CACNA1D: variants seen among roughly 807,000 people sequenced by gnomAD.
The protein encoded by CACNA1D is voltage-dependent L-type calcium channel subunit alpha-1D.
Under a neutral mutation model 257.1 loss-of-function variants are expected in CACNA1D, and 55 were observed. The observed-to-expected ratio is 0.21, with a 90% CI of 0.17 to 0.27. The LOEUF is 0.27. Ranked by LOEUF, CACNA1D falls within the 10% of genes least tolerant of loss-of-function variation. The pLI is 1.00. For synonymous variants in CACNA1D, 980 were observed against 1,014.9 expected (o/e 0.97, Z 0.65); for missense variants, 1,876 against 2,784.0 (o/e 0.67, Z 7.34).
Position 53,494,849 on chromosome 3 carries a change from C to A in CACNA1D, c.-318C>A. On this transcript the variant is annotated 5_prime_UTR_variant, in exon 1 of 48. Transcript: ENST00000350061. ...TCTCTCCGCTAGAGGAGGGGACAAGCCAGTTCTCCTTTGCAGCAAAAAATT... is the reference window on the plus strand; with the variant it reads ...TCTCTCCGCTAGAGGAGGGGACAAGACAGTTCTCCTTTGCAGCAAAAAATT... 4.6e-6 allele frequency: 1 copy of A among 215,952 alleles called. No homozygotes were observed. Among genetic ancestry groups the A allele is most frequent in the South Asian group, 6.4e-5 (1 of 15,692 alleles). 13.4% of individuals were successfully genotyped at this position (215,952 alleles called of 1,614,324 possible). A position where few individuals can be genotyped will look rare whatever the true frequency, so the allele number is the denominator to read the frequency against.
intron 29 of CACNA1D, among the ~76,000 whole-genome samples, chr3:53,754,274 G>A (rs892061913): frequency 6.6e-6 from 1 of 152,230 alleles, no homozygotes; most frequent in African/African-American, 2.4e-5. Flanking sequence ...ACGACTCAGC[G>A]TGTTGTACCC....
chr3:53,781,391 T>C (rs2095424567), intron 38 of CACNA1D, among the ~76,000 whole-genome samples, 175 bp from the exon 39 acceptor site: 1 of 152,156 alleles, frequency 6.6e-6, no homozygotes, highest in Non-Finnish European at 1.5e-5. Context: ...ATGATCGCTA[T>C]TGCTGAATAT....
Position 53,673,019 on chromosome 3 carries a change from G to A in CACNA1D, c.1117-4G>A. 6.5e-7 allele frequency: 1 copy of A among 1,544,398 alleles called. No individual in the cohort carries two copies. The highest frequency in any genetic ancestry group is 1.2e-5 in the South Asian group (1 of 83,918). On this transcript the variant is annotated splice_region_variant and splice_polypyrimidine_tract_variant and intron_variant, in intron 7 of 47. Coordinates refer to ENST00000350061, the MANE Select transcript of CACNA1D (RefSeq NM_001128840.3). This position sits in a 1 kb window ranked among gnomAD's most constrained non-coding sequence, Gnocchi z 4.1. ...CTCCTATGAGACCATCTTATTTCTT[G>A]CAGATGAATGATGCTATGGGATTTG...
chr3:53,639,859 C>CTTTTT (rs34925431), intron 3 of CACNA1D, among the ~76,000 whole-genome samples: 2 of 102,074 alleles, frequency 2.0e-5, no homozygotes, highest in Non-Finnish European at 3.8e-5. Flanking sequence ...TCATTTCTTA[C>CTTTTT]TTTTTTTTTT....
intron 4 of CACNA1D, among the ~76,000 whole-genome samples, chr3:53,653,041 G>A (rs544710103): frequency 2.0e-5 from 3 of 152,172 alleles, no homozygotes; most frequent in Non-Finnish European, 2.9e-5. Context: ...ACCTGAGGTC[G>A]GGAGTTCAAG....
chr3:53,801,369 G>C lies in CACNA1D; in HGVS notation c.5352G>C (p.Gly1784=), dbSNP rs768003730. Residue 1784 remains glycine, a synonymous_variant, in exon 42 of 48, where the codon GGG becomes GGC. Coordinates refer to ENST00000350061, the MANE Select transcript of CACNA1D (RefSeq NM_001128840.3). ...ACCTTGAGCATGTGTCTGAAAATGG[G>C]CATCATTCTTCCCACAAGCATGACC... ...IGNLEHVSEN[G]HHSSHKHDRE... 5.6e-6 allele frequency: 9 copies of C among 1,614,048 alleles called. No individual in the cohort carries two copies. In the African/African-American group the frequency reaches 1.1e-4, roughly 19 times the overall value.
In CACNA1D at chr3:53,745,820, C is replaced by T. The variant is rs779910083; in HGVS notation, c.3115-3C>T. 1.7e-5 allele frequency: 27 copies of T among 1,613,298 alleles called. No individual in the cohort carries two copies. The African/African-American group carries it at 2.7e-4, about 16-fold the overall frequency. On this transcript the variant is annotated splice_polypyrimidine_tract_variant and splice_region_variant and intron_variant, in intron 24 of 47. Coordinates refer to ENST00000350061, the MANE Select transcript of CACNA1D (RefSeq NM_001128840.3). ...CTTAACTGCCTGTCTATTTTATACC[C>T]AGGGGAAGTTCTATCGCTGTACGGA...
At chr3:53,671,451 A>G (rs554341333) in intron 7 of CACNA1D, among the ~76,000 whole-genome samples, 2 of 152,300 alleles carry the variant, frequency 1.3e-5, no homozygotes, top group East Asian at 3.9e-4. Flanking sequence ...CCACCACACC[A>G]GGCAGCCAGT....
At chr3:53,665,391 A>C (rs1409500891) in intron 5 of CACNA1D, among the ~76,000 whole-genome samples, 1 of 152,210 alleles carries the variant, frequency 6.6e-6, no homozygotes, top group Non-Finnish European at 1.5e-5. Context: ...GAAATGCATA[A>C]ATGAATGATG....
rs2095494881 is a variant in CACNA1D at position 53,793,647 on chromosome 3, TG to T, written c.4924-6599del. Among the ~76,000 whole-genome samples the T allele has an allele frequency of 6.6e-6, 1 of 152,202 alleles. No individual in the cohort carries two copies. Among genetic ancestry groups the T allele is most frequent in the Non-Finnish European group, 1.5e-5 (1 of 68,034 alleles). ...ATGGAACAAGAGAGTCTTCTCCACT[TG>T]GGCCTGGCTGTGTTGCTGGGGAATG... On this transcript the variant is annotated intron_variant, in intron 40 of 47. Transcript: ENST00000350061. The surrounding 1 kb of genome is among the most constrained non-coding windows in gnomAD (Gnocchi z 4.1).
chr3:53,798,274 G>A (rs2095516874), intron 40 of CACNA1D, among the ~76,000 whole-genome samples: 1 of 152,074 alleles, frequency 6.6e-6, no homozygotes, highest in South Asian at 2.1e-4. Flanking sequence ...CTGAACTCGT[G>A]GATCCTGAGA....
At chr3:53,710,341 G>C (rs2094738502) in intron 9 of CACNA1D, 1 of 446,738 alleles carries the variant, frequency 2.2e-6, no homozygotes, top group Non-Finnish European at 4.6e-6. Flanking sequence ...TGGTTTGGCT[G>C]CTGTTGCTGC....
chr3:53,621,439 C>T (rs771881374), intron 3 of CACNA1D, among the ~76,000 whole-genome samples: 6 of 151,980 alleles, frequency 3.9e-5, no homozygotes, highest in South Asian at 2.1e-4. Flanking sequence ...ACAGTGGTGG[C>T]GAGAGAGTCA....
At chr3:53,763,595 C>T (rs1411113077) in intron 30 of CACNA1D, among the ~76,000 whole-genome samples, 1 of 152,182 alleles carries the variant, frequency 6.6e-6, no homozygotes, top group African/African-American at 2.4e-5. Context: ...GGCTTTTGCT[C>T]CACAATGTCC....
intron 31 of CACNA1D, 62 bp from the exon 32 acceptor site, chr3:53,770,362 T>C (rs1274656848): frequency 1.3e-6 from 2 of 1,537,670 alleles, no homozygotes; most frequent in South Asian, 2.2e-5. Flanking sequence ...GTTGCTGTTT[T>C]TCTGAAAGTG....
chr3:53,532,081 G>C (rs963688961), intron 3 of CACNA1D, among the ~76,000 whole-genome samples: 2 of 152,204 alleles, frequency 1.3e-5, no homozygotes, highest in Non-Finnish European at 2.9e-5. Flanking sequence ...GGAGGTGAGT[G>C]TCATCAGGCC....
chr3:53,553,604 C>T (rs2092579722), intron 3 of CACNA1D, among the ~76,000 whole-genome samples: 1 of 152,134 alleles, frequency 6.6e-6, no homozygotes, highest in South Asian at 2.1e-4. Context: ...ATAGTTGTTA[C>T]ATTTGCAATT....
At chr3:53,504,395 A>G (rs1454954453) in intron 3 of CACNA1D, among the ~76,000 whole-genome samples, 2 of 152,158 alleles carry the variant, frequency 1.3e-5, no homozygotes, top group Non-Finnish European at 2.9e-5. Context: ...GGCCATCCCC[A>G]TTGATCCAAT....
intron 3 of CACNA1D, chr3:53,530,512 C>T (rs919196934): frequency 4.6e-5 from 7 of 152,262 alleles, no homozygotes; most frequent in African/African-American, 1.4e-4. Context: ...CCACTATTTT[C>T]TTTCCAAGAG....
Sources: gnomAD v4.1 joint callset for allele counts (sites outside exome capture counted in the v4.1 genomes callset) on GRCh38, gnomAD v4.1.1 for gene constraint, Gnocchi (gnomAD v3.1) non-coding constraint, MANE v1.5 for transcripts, NCBI Gene and HGNC (gene_info 2026-07-23, HGNC 2026-07-21) for gene names.